The following SLC27A1 variants were observed in gnomAD, a reference collection of about 807,000 sequenced individuals.
SLC27A1 encodes long-chain fatty acid transport protein 1.
Under a neutral mutation model 62.2 loss-of-function variants are expected in SLC27A1, and 61 were observed. The ratio of observed to expected loss-of-function variants is 0.98; its 90% confidence interval spans 0.80 to 1.21. The LOEUF (loss-of-function observed/expected upper bound fraction) is 1.21, where lower values mean the gene tolerates loss of function less well. Ranked by LOEUF, SLC27A1 falls within the 50% of genes most tolerant of loss-of-function variation. The pLI, the probability that SLC27A1 is intolerant of heterozygous loss-of-function variation, is 0.00. For missense variants in SLC27A1, 903 were observed against 932.1 expected, an observed-to-expected ratio of 0.97 and a Z score of 0.41; for synonymous variants, 435 against 408.6, an observed-to-expected ratio of 1.06 and a Z score of -0.78.
At chr19:17,485,261 C>CTCACTGCAACCTCTGCCTA (rs1466306368) in intron 1 of SLC27A1, among the ~76,000 whole-genome samples, 3 of 141,648 alleles carry the variant, frequency 2.1e-5, no homozygotes. Context: ...GTGATCTCGG[C>CTCACTGCAACCTCTGCCTA]TCACTGCAAC....
chr19:17,502,378 G>A (rs1309000938), intron 11 of SLC27A1, among the ~76,000 whole-genome samples: 5 of 85,824 alleles, frequency 5.8e-5, no homozygotes, highest in Non-Finnish European at 1.1e-4. Flanking sequence ...TTGAGATGGA[G>A]TCTTGCTCTG....
chr19:17,487,003 C>T (rs776779678), intron 2 of SLC27A1, 46 bp downstream of exon 2: 41 of 1,540,244 alleles, frequency 2.7e-5, no homozygotes, highest in Non-Finnish European at 3.0e-5. Context: ...CCAGGACTGG[C>T]CCCTGGGCGG....
At chr19:17,482,022 G>C (rs1278803809) in intron 1 of SLC27A1, among the ~76,000 whole-genome samples, 4 of 152,126 alleles carry the variant, frequency 2.6e-5, no homozygotes, top group Non-Finnish European at 5.9e-5. Flanking sequence ...AACCTGATCT[G>C]AGAGTCCCAG....
In SLC27A1 at chr19:17,504,731, A is replaced by C; in HGVS notation, c.*119A>C. The C allele has an allele frequency of 7.5e-7, 1 of 1,338,034 alleles. No homozygotes were observed. The highest frequency in any genetic ancestry group is 1.0e-6 in the Non-Finnish European group (1 of 959,166). The allele number at this position is 1,338,034 out of a possible 1,614,324, so 82.9% of individuals were successfully genotyped here. On this transcript the variant is annotated 3_prime_UTR_variant, in exon 12 of 12. Coordinates refer to ENST00000252595, the MANE Select transcript of SLC27A1 (RefSeq NM_198580.3). The stretch of plus-strand genomic sequence containing the variant: ...CCCACCTGGCCGAGCTGTACCTGGC[A>C]CGGCCCATCCTGGACTGAGAAACTG...
intron 1 of SLC27A1, among the ~76,000 whole-genome samples, chr19:17,484,911 G>T (rs1568414217): frequency 6.6e-6 from 1 of 152,106 alleles, no homozygotes; most frequent in Non-Finnish European, 1.5e-5. Flanking sequence ...GGGAGGCAGT[G>T]GCCGGGCCAG....
intron 1 of SLC27A1, among the ~76,000 whole-genome samples, chr19:17,472,031 C>G (rs1287494202): frequency 1.3e-5 from 2 of 152,214 alleles, no homozygotes; most frequent in Non-Finnish European, 2.9e-5. Context: ...AGGGCAGGCT[C>G]TCCCTCTGGG....
Position 17,487,175 on chromosome 19 carries a change from G to A in SLC27A1, c.564G>A (p.Ala188=), listed in dbSNP as rs372437605. The A allele has an allele frequency of 1.9e-6, 3 of 1,614,054 alleles. No individual in the cohort carries two copies. Among genetic ancestry groups the A allele is most frequent in the East Asian group, 2.2e-5 (1 of 44,872 alleles). The change falls in exon 3 of 12, where the codon GCG becomes GCA. Residue 188 remains alanine (A), a splice_region_variant and synonymous_variant. Transcript: ENST00000252595. The part of the protein sequence containing the change: ...ALIFGGEMVA[A]VAEVSGHLGK... ...TGACCCATGTGTTGGGGACCACAGC[G>A]GTGGCCGAAGTGAGCGGGCATCTGG... is the stretch of plus-strand genomic sequence containing the variant.
intron 7 of SLC27A1, chr19:17,498,659 G>T (rs111630577): frequency 0.19 from 46,214 of 237,726 alleles, 5,644 homozygotes; most frequent in Non-Finnish European, 0.26. Context: ...AGCTGGGCCC[G>T]GGGGACCACT....
chr19:17,488,252 G>A (rs929011921), intron 4 of SLC27A1, among the ~76,000 whole-genome samples: 20 of 152,194 alleles, frequency 1.3e-4, no homozygotes, highest in African/African-American at 4.8e-4. Flanking sequence ...CCAGCTACTC[G>A]GGAGGCTGAG....
intron 4 of SLC27A1, chr19:17,488,631 C>T: frequency 3.3e-6 from 2 of 597,398 alleles, no homozygotes; most frequent in East Asian, 2.8e-5. Flanking sequence ...GGCTGCATTA[C>T]CATCAGCCCC....
At chr19:17,485,804 G>A (rs531047088) in intron 1 of SLC27A1, among the ~76,000 whole-genome samples, 11 of 151,690 alleles carry the variant, frequency 7.3e-5, no homozygotes, top group East Asian at 1.9e-4. Context: ...TGGCCTGGGC[G>A]ACAGAGTGAG....
At chr19:17,497,022 C>CA in intron 6 of SLC27A1, 1 of 468,578 alleles carries the variant, frequency 2.1e-6, no homozygotes. Flanking sequence ...GACCCCCAAC[C>CA]AAAAAACAAC....
Position 17,497,365 on chromosome 19 carries a change from CATCTGGG to C in SLC27A1, c.1109_1115del (p.Ile370ArgfsTer51), listed in dbSNP as rs367735233. ...CGGTGGGGAACGGGCTGCGTCCTGC[CATCTGGG>C]AGGAGTTCACGGAGCGCTTCGGCGT... is the stretch of plus-strand genomic sequence containing the variant. On this transcript the variant is annotated frameshift_variant, in exon 7 of 12. Transcript: ENST00000252595. LOFTEE classifies it high-confidence loss of function. 1.0e-5 allele frequency: 16 copies of C among 1,602,590 alleles called. No homozygotes were observed. Among genetic ancestry groups the C allele is most frequent in the Non-Finnish European group, 5.9e-6 (7 of 1,176,678 alleles).
intron 1 of SLC27A1, among the ~76,000 whole-genome samples, chr19:17,475,190 C>T (rs1003760818): frequency 6.6e-6 from 1 of 152,140 alleles, no homozygotes; most frequent in Non-Finnish European, 1.5e-5. Context: ...GCTGGTATTA[C>T]AGGCTGAACC....
At chr19:17,497,019 A>G (rs949108015) in intron 6 of SLC27A1, 115 of 465,160 alleles carry the variant, frequency 2.5e-4, no homozygotes, top group African/African-American at 2.1e-3. Context: ...GGAGACCCCC[A>G]ACCAAAAAAC....
Position 17,489,749 on chromosome 19 carries a change from G to A in SLC27A1, c.996+632G>A, listed in dbSNP as rs2075276841. 2.0e-5 allele frequency: 3 copies of A among 152,672 alleles called. No homozygotes were observed. In the South Asian group the frequency reaches 6.2e-4, roughly 32 times the overall value. 9.5% of individuals were successfully genotyped at this position (152,672 alleles called of 1,614,324 possible). A position where few individuals can be genotyped will look rare whatever the true frequency, so the allele number is the denominator to read the frequency against. On this transcript the variant is annotated intron_variant, in intron 6 of 11. Transcript: ENST00000252595. ...TGTCCCGGAGAGGAGAGCAGGCAGA[G>A]GTTAAGAACAGGAATTCTTCTTTCC...
chr19:17,500,680 C>T (rs772963395), intron 9 of SLC27A1, 32 bp from the exon 10 acceptor site: 38 of 1,613,824 alleles, frequency 2.4e-5, no homozygotes, highest in African/African-American at 8.0e-5. Flanking sequence ...GATGGGGATC[C>T]TCCACCCATC....
rs779145556 is a variant in SLC27A1 at position 17,500,516 on chromosome 19, G to T, written c.1355G>T (p.Gly452Val). Residue 452 changes from glycine (G) to valine (V), a missense_variant, in exon 9 of 12, where the codon GGT becomes GTT. Coordinates refer to ENST00000252595, the MANE Select transcript of SLC27A1 (RefSeq NM_198580.3). ...CQAGEPGLLV[G>V]QINQQDPLRR... Reference sequence around the variant, plus strand: ...CTAGGGGAGCCTGGCCTCCTTGTGGGTCAGATCAACCAACAGGACCCGCTG... The same window carrying T: ...CTAGGGGAGCCTGGCCTCCTTGTGGTTCAGATCAACCAACAGGACCCGCTG... 7 of 1,613,616 alleles carry T rather than the reference G, an allele frequency of 4.3e-6. No individual in the cohort carries two copies. Among genetic ancestry groups the T allele is most frequent in the Admixed American group, 1.7e-5 (1 of 59,936 alleles).
At chr19:17,503,386 A>G (rs994405559) in intron 11 of SLC27A1, 4 of 152,252 alleles carry the variant, frequency 2.6e-5, no homozygotes, top group East Asian at 1.9e-4. Flanking sequence ...CAACACTGCT[A>G]TTCTTGTGCA....
Sources: gnomAD v4.1 joint callset for allele counts (sites outside exome capture counted in the v4.1 genomes callset) on GRCh38, gnomAD v4.1.1 for gene constraint, MANE v1.5 for transcripts, NCBI Gene and HGNC (gene_info 2026-07-23, HGNC 2026-07-21) for gene names.